Variants in MEI1 observed in about 807,000 individuals in gnomAD.
The protein encoded by MEI1 is meiotic double-stranded break formation protein 1.
Under a neutral mutation model 146.2 loss-of-function variants are expected in MEI1, and 103 were observed. The observed-to-expected ratio is 0.70, with a 90% CI of 0.60 to 0.83. MEI1 has a LOEUF of 0.83. MEI1 is among the 40% of genes least tolerant of loss of function. MEI1 has a pLI of 0.00. For synonymous variants in MEI1, 652 were observed against 628.2 expected (o/e 1.04, Z -0.57); for missense variants, 1,529 against 1,533.0 (o/e 1.00, Z 0.04).
At chr22:41,767,236 C>T (rs1456076140) in intron 19 of MEI1, among the ~76,000 whole-genome samples, 1 of 152,162 alleles carries the variant, frequency 6.6e-6, no homozygotes, top group Non-Finnish European at 1.5e-5. Flanking sequence ...GTACCATTTA[C>T]CTGTGAATGC....
chr22:41,737,979 C>A (rs532268031), intron 11 of MEI1, among the ~76,000 whole-genome samples: 54 of 152,308 alleles, frequency 3.5e-4, no homozygotes, highest in African/African-American at 1.3e-3. Context: ...ACCATATTTT[C>A]TCTTTTAATT....
At chr22:41,767,222 C>T (rs2074914392) in intron 19 of MEI1, among the ~76,000 whole-genome samples, 1 of 152,180 alleles carries the variant, frequency 6.6e-6, no homozygotes, top group Non-Finnish European at 1.5e-5. Context: ...AAAAGGCTTC[C>T]TTGGTACCAT....
At chr22:41,728,969 G>A (rs2147533152) in intron 7 of MEI1, among the ~76,000 whole-genome samples, 1 of 151,914 alleles carries the variant, frequency 6.6e-6, no homozygotes, top group South Asian at 2.1e-4. Context: ...TTCGAGACCA[G>A]CCTGGCCAAT....
In MEI1 at chr22:41,716,818, TA is replaced by T. The variant is rs1241108726; in HGVS notation, c.529+673del. Reference sequence around the variant, plus strand: ...CATTCTACTGCCTCAGCCTCCCGAGTAGCTTGGACTACAGGCGCCTGCCACC... The same window carrying T: ...CATTCTACTGCCTCAGCCTCCCGAGTGCTTGGACTACAGGCGCCTGCCACC... On this transcript the variant is annotated intron_variant, in intron 5 of 30. Coordinates refer to ENST00000401548, the MANE Select transcript of MEI1 (RefSeq NM_152513.4). Among the ~76,000 whole-genome samples the T allele has an allele frequency of 2.6e-5, 4 of 151,458 alleles. No homozygotes were observed. In the East Asian group the frequency reaches 7.8e-4, roughly 30 times the overall value.
rs915617301 is a variant in MEI1, at chr22:41,799,381, A to G, written c.*82A>G. On this transcript the variant is annotated 3_prime_UTR_variant, in exon 31 of 31. Transcript: ENST00000401548. ...CATAATTGTTGGGGAAATGGATGAC[A>G]GCTGAAGCTATTCATATGGAGCCAT... The G allele has an allele frequency of 7.4e-7, 1 of 1,347,322 alleles. No homozygotes were observed. Among genetic ancestry groups the G allele is most frequent in the African/African-American group, 1.4e-5 (1 of 69,360 alleles). 83.5% of individuals were successfully genotyped at this position (1,347,322 alleles called of 1,614,324 possible). A position where few individuals can be genotyped will look rare whatever the true frequency, so the allele number is the denominator to read the frequency against.
At chr22:41,732,384 A>C in intron 10 of MEI1, 40 bp downstream of exon 10, 1 of 1,613,420 alleles carries the variant, frequency 6.2e-7, no homozygotes. Flanking sequence ...TAGGGGCCAG[A>C]CTGCAGAAGG....
rs760458320 is a variant in MEI1 at position 41,776,095 on chromosome 22, T to C, written c.2545-7T>C. ...TCTGATCTCTGGCTTTCTTCTCTCC[T>C]GCTCAGGACCTCATCTATTCCAGCC... On this transcript the variant is annotated splice_polypyrimidine_tract_variant and splice_region_variant and intron_variant, in intron 20 of 30. Coordinates refer to ENST00000401548, the MANE Select transcript of MEI1 (RefSeq NM_152513.4). 4.3e-6 allele frequency: 7 copies of C among 1,613,482 alleles called. No homozygotes were observed. In the South Asian group the frequency reaches 7.7e-5, roughly 18 times the overall value.
chr22:41,705,634 C>T lies in MEI1; in HGVS notation c.349+80C>T, dbSNP rs191387025. The T allele has an allele frequency of 2.1e-4, 254 of 1,231,920 alleles. No individual in the cohort carries two copies. The African/African-American group carries it at 3.1e-3, about 15-fold the overall frequency. 76.3% of individuals were successfully genotyped at this position (1,231,920 alleles called of 1,614,324 possible). On this transcript the variant is annotated intron_variant, in intron 3 of 30. Transcript: ENST00000401548. ...CAGCTCTGGTTACTTGAGACCTTGG[C>T]GAAATTGTCTGTTTAGACACAGATA...
At chr22:41,701,328 G>T (rs908247554) in intron 1 of MEI1, among the ~76,000 whole-genome samples, 6 of 151,492 alleles carry the variant, frequency 4.0e-5, no homozygotes, top group Non-Finnish European at 7.4e-5. Context: ...ACTTGTGGGA[G>T]AATAAGAATG....
chr22:41,706,701 G>A (rs2069117487), intron 3 of MEI1, among the ~76,000 whole-genome samples: 1 of 151,510 alleles, frequency 6.6e-6, no homozygotes, highest in Non-Finnish European at 1.5e-5. Context: ...ATGACAAAGT[G>A]AGACCCCTTT....
intron 6 of MEI1, among the ~76,000 whole-genome samples, chr22:41,721,189 C>T (rs558886980): frequency 1.3e-5 from 2 of 150,942 alleles, no homozygotes; most frequent in South Asian, 2.1e-4. Flanking sequence ...ATGTCCGCCT[C>T]GGCCTCCCAA....
At chr22:41,739,577 G>A (rs532712707) in intron 11 of MEI1, among the ~76,000 whole-genome samples, 2 of 136,686 alleles carry the variant, frequency 1.5e-5, no homozygotes, top group South Asian at 2.1e-4. Flanking sequence ...TAGCATTTAC[G>A]TGACAGTGAC....
At position 41,743,116 on chromosome 22, in the gene MEI1, G is replaced by T; in HGVS notation, c.1368G>T (p.Gly456=). 6.2e-7 allele frequency: 1 copy of T among 1,613,216 alleles called. No homozygotes were observed. Among genetic ancestry groups the T allele is most frequent in the Non-Finnish European group, 8.5e-7 (1 of 1,179,744 alleles). The change falls in exon 12 of 31, where the codon GGG becomes GGT. Residue 456 remains glycine (G), a synonymous_variant. Coordinates refer to ENST00000401548, the MANE Select transcript of MEI1 (RefSeq NM_152513.4). ...DHQSTPPVQY[G]ELQALLEAML... The stretch of plus-strand genomic sequence containing the variant: ...AGAGCACTCCACCTGTGCAGTATGG[G>T]GAACTGCAGGCTTTGCTAGAAGCCA...
At chr22:41,754,793 AGG>A (rs1225080028) in intron 17 of MEI1, among the ~76,000 whole-genome samples, 1 of 152,212 alleles carries the variant, frequency 6.6e-6, no homozygotes, top group Non-Finnish European at 1.5e-5. Flanking sequence ...TGAAAGAGCC[AGG>A]GATACAAAGC....
At chr22:41,746,551 G>A (rs1216779377) in intron 14 of MEI1, among the ~76,000 whole-genome samples, 9 of 152,168 alleles carry the variant, frequency 5.9e-5, no homozygotes, top group Admixed American at 5.9e-4. Context: ...TCTGAAGAGA[G>A]ACTTGATCCT....
Position 41,721,566 on chromosome 22 carries a change from T to A in MEI1, c.734-2377T>A, listed in dbSNP as rs565733046. On this transcript the variant is annotated intron_variant, in intron 6 of 30. Coordinates refer to ENST00000401548, the MANE Select transcript of MEI1 (RefSeq NM_152513.4). ...GCCCGTGCCTGGCTAATTAAAAAATTTTTTTTTGTAGAGTCTGGGTCTCAT... is the reference window on the plus strand; with the variant it reads ...GCCCGTGCCTGGCTAATTAAAAAATATTTTTTTGTAGAGTCTGGGTCTCAT... Among the ~76,000 whole-genome samples the A allele has an allele frequency of 0.035, 229 of 6,594 alleles. 1 individual carries two copies. The African/African-American group carries it at 0.4, about 11-fold the overall frequency. 4.3% of individuals were successfully genotyped at this position (6,594 alleles called of 152,430 possible).
chr22:41,720,833 G>A (rs1048769480), intron 6 of MEI1, among the ~76,000 whole-genome samples: 10 of 151,054 alleles, frequency 6.6e-5, no homozygotes, highest in Admixed American at 2.0e-4. Flanking sequence ...GTGGAGTGGC[G>A]TGATCTCTGC....
rs755719571 is a variant in MEI1, at chr22:41,753,938, C to T, written c.1854-11C>T. ...GTCATCTCTTCTATTCTTTCTTCTT[C>T]TCCCTCTAAGTCACTCAGCCCTAAA... On this transcript the variant is annotated splice_polypyrimidine_tract_variant and intron_variant, in intron 16 of 30. Coordinates refer to ENST00000401548, the MANE Select transcript of MEI1 (RefSeq NM_152513.4). The T allele has an allele frequency of 1.9e-6, 3 of 1,573,666 alleles. No homozygotes were observed. Among genetic ancestry groups the T allele is most frequent in the Non-Finnish European group, 2.6e-6 (3 of 1,143,248 alleles).
At position 41,745,809 on chromosome 22, in the gene MEI1, C is replaced by T. The variant is rs2073238957; in HGVS notation, c.1539-76C>T. The T allele has an allele frequency of 2.1e-6, 3 of 1,447,804 alleles. No homozygotes were observed. The African/African-American group carries it at 4.2e-5, about 20-fold the overall frequency. 89.7% of individuals were successfully genotyped at this position (1,447,804 alleles called of 1,614,324 possible). A position where few individuals can be genotyped will look rare whatever the true frequency, so the allele number is the denominator to read the frequency against. On this transcript the variant is annotated intron_variant, in intron 13 of 30. Transcript: ENST00000401548. ...GGACCCTGAGCACAGGCACTCCCCGCCACCCCCCAGGAAGCTGTTTGTAAC... is the reference window on the plus strand; with the variant it reads ...GGACCCTGAGCACAGGCACTCCCCGTCACCCCCCAGGAAGCTGTTTGTAAC...
Sources: gnomAD v4.1 joint callset for allele counts (sites outside exome capture counted in the v4.1 genomes callset) on GRCh38, gnomAD v4.1.1 for gene constraint, MANE v1.5 for transcripts, NCBI Gene and HGNC (gene_info 2026-07-23, HGNC 2026-07-21) for gene names.